The following LPA variants were observed in gnomAD, a reference collection of about 807,000 sequenced individuals.
The protein encoded by LPA is lipoprotein(a), also known as apolipoprotein(a).
Under a neutral mutation model 197.9 loss-of-function variants are expected in LPA, and 199 were observed. That is an observed-to-expected ratio of 1.01 (90% CI 0.90 to 1.13). The LOEUF is 1.13. LPA is among the 50% of genes most tolerant of loss of function. The probability of loss-of-function intolerance (pLI) is 0.00; values close to 1 mark genes in which losing one functional copy is unlikely to be tolerated. For missense variants in LPA, 1,853 were observed against 1,785.8 expected, an observed-to-expected ratio of 1.04 and a Z score of -0.68; for synonymous variants, 715 against 639.5, an observed-to-expected ratio of 1.12 and a Z score of -1.78.
In LPA at chr6:160,556,083, A is replaced by C; in HGVS notation, c.4915T>G (p.Ser1639Ala). The C allele has an allele frequency of 6.2e-7, 1 of 1,613,746 alleles. No individual in the cohort carries two copies. The highest frequency in any genetic ancestry group is 2.2e-5 in the East Asian group (1 of 44,830). Residue 1639 changes from serine (S) to alanine (A), a missense_variant, in exon 30 of 39, where the codon TCT (serine) becomes GCT (alanine). Ser to Ala is a moderately conservative substitution (Grantham distance 99). This residue lies in a region of LPA where 1,737 missense variants were observed against 1,504.4 expected (regional missense o/e 1.15). Coordinates refer to ENST00000316300, the MANE Select transcript of LPA (RefSeq NM_005577.4). ...CGGTGTGGTGTCATGGATGACCAAG[A>C]TTGACATGTCCTTCCTGTGACAGTG... Reference protein sequence around the residue: ...STTVTGRTCQSWSSMTPHRHQ... With the variant: ...STTVTGRTCQAWSSMTPHRHQ...
intron 1 of LPA, among the ~76,000 whole-genome samples, chr6:160,653,479 G>C (rs753481603): frequency 7.3e-6 from 1 of 137,686 alleles, no homozygotes; most frequent in Non-Finnish European, 1.5e-5. Flanking sequence ...AAGAGTACAT[G>C]AAAGTGAGTT....
intron 12 of LPA, among the ~76,000 whole-genome samples, chr6:160,620,939 T>G (rs1449245366): frequency 1.3e-5 from 1 of 77,776 alleles, no homozygotes; most frequent in East Asian, 4.2e-4. Context: ...TGTAGCTCAT[T>G]CTGTAGGTTC....
chr6:160,643,083 A>AGTTTGTGTGTGT (rs1779866603), intron 4 of LPA, among the ~76,000 whole-genome samples: 1 of 131,150 alleles, frequency 7.6e-6, no homozygotes, highest in African/African-American at 2.8e-5. Context: ...GTGTGTTTTC[A>AGTTTGTGTGTGT]GTGTGTGTGT....
intron 30 of LPA, among the ~76,000 whole-genome samples, chr6:160,553,954 TGC>T (rs1554231703): frequency 7.6e-6 from 1 of 130,742 alleles, no homozygotes. Context: ...TGTGTGTGTG[TGC>T]GCGCGCGCGC....
chr6:160,594,150 A>T, intron 21 of LPA, 33 bp from the exon 22 acceptor site: 1 of 1,612,912 alleles, frequency 6.2e-7, no homozygotes, highest in East Asian at 2.2e-5. Flanking sequence ...CAAGCTGAGT[A>T]ATTTCTAGAA....
intron 16 of LPA, among the ~76,000 whole-genome samples, chr6:160,607,516 A>T (rs571052922): frequency 6.6e-6 from 1 of 152,234 alleles, no homozygotes; most frequent in East Asian, 1.9e-4. Context: ...ACAGCTACGG[A>T]GGAACACTGC....
chr6:160,549,729 C>T (rs1778137568), intron 30 of LPA, among the ~76,000 whole-genome samples: 1 of 152,206 alleles, frequency 6.6e-6, no homozygotes, highest in African/African-American at 2.4e-5. Flanking sequence ...GATGCTGTTT[C>T]TCTAGGATGG....
At position 160,569,519 on chromosome 6, in the gene LPA, C is replaced by T. The variant is rs1452286417; in HGVS notation, c.4631+7617G>A. ...AAGACTTAAATGTTAGACCTAAAAC[C>T]ATATAAACCCTAGAAGAAAACCTAA... On this transcript the variant is annotated intron_variant, in intron 28 of 38. Transcript: ENST00000316300. 3.3e-5 allele frequency among the ~76,000 whole-genome samples: 5 copies of T among 151,902 alleles called. No individual in the cohort carries two copies. The East Asian group carries it at 7.8e-4, about 24-fold the overall frequency.
chr6:160,582,260 TTTC>T (rs1331044189), intron 26 of LPA, among the ~76,000 whole-genome samples: 17 of 152,008 alleles, frequency 1.1e-4, no homozygotes, highest in Admixed American at 3.3e-4. Context: ...GACCTGATCT[TTTC>T]TTCTTCTTAC....
chr6:160,597,214 G>T (rs558036384), intron 20 of LPA, among the ~76,000 whole-genome samples: 1 of 152,178 alleles, frequency 6.6e-6, no homozygotes, highest in Non-Finnish European at 1.5e-5. Flanking sequence ...CTAATTTTCT[G>T]CATATTTGTT....
chr6:160,589,711 T>G lies in LPA; in HGVS notation c.3789A>C (p.Ala1263=), dbSNP rs781593831. Reference sequence around the variant, plus strand: ...GGACTGTGGGGCTTTGCTCCGTTGGTGCTGAAATTCAAAGAGGAGAAAACA... The same window carrying G: ...GGACTGTGGGGCTTTGCTCCGTTGGGGCTGAAATTCAAAGAGGAGAAAACA... The part of the protein sequence containing the change: ...LATSTAVSEQ[A]PTEQSPTVQD... The change falls in exon 24 of 39, where the codon GCA becomes GCC. Residue 1263 remains alanine, a splice_region_variant and synonymous_variant. Transcript: ENST00000316300. The G allele has an allele frequency of 6.2e-7, 1 of 1,613,742 alleles. No homozygotes were observed. Among genetic ancestry groups the G allele is most frequent in the Non-Finnish European group, 8.5e-7 (1 of 1,179,760 alleles).
At chr6:160,653,211 G>T (rs1316218689) in intron 1 of LPA, among the ~76,000 whole-genome samples, 1 of 152,010 alleles carries the variant, frequency 6.6e-6, no homozygotes, top group Non-Finnish European at 1.5e-5. Flanking sequence ...AATGATAAAG[G>T]TCATCATCAA....
chr6:160,576,015 T>C (rs1778647602), intron 28 of LPA, among the ~76,000 whole-genome samples: 1 of 152,088 alleles, frequency 6.6e-6, no homozygotes, highest in African/African-American at 2.4e-5. Flanking sequence ...CTTCAATCCA[T>C]GATGAAATAC....
chr6:160,655,117 C>T (rs1028941114), intron 1 of LPA, among the ~76,000 whole-genome samples: 7 of 152,200 alleles, frequency 4.6e-5, no homozygotes, highest in African/African-American at 1.4e-4. Flanking sequence ...CACTTCATGG[C>T]TAGATGGGTC....
chr6:160,606,546 C>A lies in LPA; in HGVS notation c.2716G>T (p.Ala906Ser), dbSNP rs779482827. ...GGAGGCGCGACGGCAGTCCCTTCTG[C>A]GTCTGAGCATTGTGTCAGGTTGCAG... Reference protein sequence around the residue: ...EYCNLTQCSDAEGTAVAPPTI... With the variant: ...EYCNLTQCSDSEGTAVAPPTI... The change falls in exon 17 of 39, where the codon GCA becomes TCA. Residue 906 changes from alanine to serine, a missense_variant. Physicochemically the swap from Ala to Ser is moderately conservative, Grantham distance 99. Coordinates refer to ENST00000316300, the MANE Select transcript of LPA (RefSeq NM_005577.4). The A allele has an allele frequency of 6.2e-7, 1 of 1,613,724 alleles. No homozygotes were observed. Among genetic ancestry groups the A allele is most frequent in the South Asian group, 1.1e-5 (1 of 91,068 alleles).
intron 18 of LPA, 46 bp from the exon 19 acceptor site, chr6:160,601,144 G>T (rs1240397978): frequency 1.3e-6 from 2 of 1,541,814 alleles, no homozygotes; most frequent in Admixed American, 3.3e-5. Context: ...GGGTACATAT[G>T]CAGGAACACT....
intron 16 of LPA, among the ~76,000 whole-genome samples, chr6:160,610,299 C>G (rs1340005894): frequency 3.3e-5 from 5 of 152,178 alleles, no homozygotes; most frequent in South Asian, 2.1e-4. Flanking sequence ...ATTGGAAACC[C>G]ATTTGATGCT....
At chr6:160,610,396 T>G (rs1779468327) in intron 16 of LPA, among the ~76,000 whole-genome samples, 1 of 152,152 alleles carries the variant, frequency 6.6e-6, no homozygotes, top group African/African-American at 2.4e-5. Flanking sequence ...AAATTATGGC[T>G]GTTCTGGGGT....
At chr6:160,540,616 G>A (rs550489349) in intron 35 of LPA, among the ~76,000 whole-genome samples, 7 of 152,194 alleles carry the variant, frequency 4.6e-5, no homozygotes, top group Admixed American at 1.3e-4. Context: ...CTCCTGCTCT[G>A]GCCATGTGAC....
Sources: allele counts gnomAD v4.1 joint callset (sites outside exome capture counted in the v4.1 genomes callset), GRCh38; gene constraint gnomAD v4.1.1; regional missense constraint gnomAD v4.1.1; transcripts MANE v1.5; gene names NCBI Gene and HGNC (gene_info 2026-07-23, HGNC 2026-07-21).